RAB3GAP1: variants seen among roughly 807,000 people sequenced by gnomAD.
RAB3GAP1 encodes rab3 GTPase-activating protein catalytic subunit.
A neutral mutation model predicts 130.7 loss-of-function variants in RAB3GAP1; 86 were observed. The ratio of observed to expected loss-of-function variants is 0.66; its 90% CI spans 0.55 to 0.79. The LOEUF is 0.79. RAB3GAP1 is among the 30% of genes least tolerant of loss of function. The probability of loss-of-function intolerance (pLI) is 0.00; values close to 1 mark genes in which losing one functional copy is unlikely to be tolerated. For missense variants in RAB3GAP1, 1,029 were observed against 1,169.4 expected (o/e 0.88, Z 1.75); for synonymous variants, 367 against 401.7 (o/e 0.91, Z 1.03).
rs537930419 is a variant in RAB3GAP1, at chr2:135,168,918, G to GA, written c.*140dup. 361 of 770,280 alleles carry GA rather than the reference G, an allele frequency of 4.7e-4. 2 individuals are homozygous for GA. In the East Asian group the frequency reaches 9.4e-3, roughly 20 times the overall value. The allele number at this position is 770,280 out of a possible 1,614,324, so 47.7% of individuals were successfully genotyped here. A position where few individuals can be genotyped will look rare whatever the true frequency, so the allele number is the denominator to read the frequency against. ...GTGATCAGGAATCAAACCAGCATCG[G>GA]AAAGACTTCCCAGCACCAAGCTTGA... On this transcript the variant is annotated 3_prime_UTR_variant, in exon 24 of 24. Coordinates refer to ENST00000264158, the MANE Select transcript of RAB3GAP1 (RefSeq NM_012233.3).
At chr2:135,143,833 G>A (rs1361106992) in intron 17 of RAB3GAP1, among the ~76,000 whole-genome samples, 2 of 152,220 alleles carry the variant, frequency 1.3e-5, no homozygotes, top group East Asian at 1.9e-4. Flanking sequence ...ACAGGCGTGA[G>A]CCACTGTGTC....
At chr2:135,151,702 G>A (rs1207602191) in intron 18 of RAB3GAP1, among the ~76,000 whole-genome samples, 1 of 152,156 alleles carries the variant, frequency 6.6e-6, no homozygotes, top group East Asian at 1.9e-4. Context: ...GTTGGCTCTT[G>A]GGGCACATGT....
rs377374144 is a variant in RAB3GAP1, at chr2:135,064,155, C to T, written c.150+6069C>T. ...AAAAAATTTTATTTCAGCCATCTGA[C>T]TATGATGTGCACAGATACGTTTTCT... On this transcript the variant is annotated intron_variant, in intron 3 of 23. Transcript: ENST00000264158. 3.3e-5 allele frequency among the ~76,000 whole-genome samples: 5 copies of T among 152,198 alleles called. No individual in the cohort carries two copies. The East Asian group carries it at 9.6e-4, about 29-fold the overall frequency.
rs147388649 is a variant in RAB3GAP1 at position 135,122,049 on chromosome 2, C to T, written c.748+1131C>T. Among the ~76,000 whole-genome samples the T allele has an allele frequency of 9.7e-3, 1,467 of 151,794 alleles. 24 individuals are homozygous for T. Among genetic ancestry groups the T allele is most frequent in the African/African-American group, 0.034 (1,401 of 41,348 alleles). ...CGGAGGTTGCAGTGAGCTGACATTG[C>T]GCCACTGTACTCCAGCCTGGGTGAC... On this transcript the variant is annotated intron_variant, in intron 8 of 23. Coordinates refer to ENST00000264158, the MANE Select transcript of RAB3GAP1 (RefSeq NM_012233.3).
At position 135,126,212 on chromosome 2, in the gene RAB3GAP1, C is replaced by T. The variant is rs1314287990; in HGVS notation, c.862C>T (p.Leu288=). 1.2e-6 allele frequency: 2 copies of T among 1,613,180 alleles called. No individual in the cohort carries two copies. Among genetic ancestry groups the T allele is most frequent in the Non-Finnish European group, 1.7e-6 (2 of 1,179,358 alleles). ...CCATTTAGCTACTACATGGCCTCAT[C>T]TGACCGAAGGGATCATTGTGGATAA... ...ELHLATTWPH[L]TEGIIVDNDV... The change falls in exon 10 of 24, where the codon CTG becomes TTG. Residue 288 remains leucine (L), a synonymous_variant. Coordinates refer to ENST00000264158, the MANE Select transcript of RAB3GAP1 (RefSeq NM_012233.3).
intron 17 of RAB3GAP1, among the ~76,000 whole-genome samples, chr2:135,149,998 T>G (rs977987516): frequency 1.3e-5 from 2 of 152,178 alleles, no homozygotes; most frequent in African/African-American, 4.8e-5. Context: ...TTTCTATTAC[T>G]TATAATTAAA....
chr2:135,141,887 AT>A (rs1691852183), intron 17 of RAB3GAP1, among the ~76,000 whole-genome samples: 3 of 152,056 alleles, frequency 2.0e-5, no homozygotes, highest in Admixed American at 2.0e-4. Flanking sequence ...TTTCTGGACT[AT>A]TTATTCTGTT....
At chr2:135,089,252 A>C (rs11675348) in intron 3 of RAB3GAP1, among the ~76,000 whole-genome samples, 1 of 151,750 alleles carries the variant, frequency 6.6e-6, no homozygotes, top group Admixed American at 6.6e-5. Context: ...TGGTCTATAT[A>C]TCTGTTTTGG....
At chr2:135,101,331 G>C (rs1379128806) in intron 5 of RAB3GAP1, among the ~76,000 whole-genome samples, 1 of 152,054 alleles carries the variant, frequency 6.6e-6, no homozygotes, top group African/African-American at 2.4e-5. Context: ...ATTTAAATTT[G>C]AATTTTAAAA....
intron 19 of RAB3GAP1, among the ~76,000 whole-genome samples, chr2:135,154,465 A>C (rs528611353): frequency 2.4e-4 from 37 of 151,870 alleles, no homozygotes; most frequent in African/African-American, 9.0e-4. Flanking sequence ...AAATCCATGC[A>C]TTCAGCATTA....
Position 135,095,503 on chromosome 2 carries a change from TTGAAA to T in RAB3GAP1, c.362+1815_362+1819del, listed in dbSNP as rs775783008. Among the ~76,000 whole-genome samples the T allele has an allele frequency of 1.1e-3, 163 of 152,196 alleles. 2 individuals carry two copies. Among genetic ancestry groups the T allele is most frequent in the Non-Finnish European group, 1.5e-3 (102 of 68,040 alleles). ...AAATTTTAATACATATTATTGAATA[TTGAAA>T]TGAACTCAATATGTTGGATGTTGAT... is the stretch of plus-strand genomic sequence containing the variant. On this transcript the variant is annotated intron_variant, in intron 5 of 23. Transcript: ENST00000264158.
chr2:135,136,429 TTAA>T (rs1199965953), intron 17 of RAB3GAP1, among the ~76,000 whole-genome samples: 2 of 152,200 alleles, frequency 1.3e-5, no homozygotes, highest in African/African-American at 4.8e-5. Context: ...TGGTCTTGAT[TTAA>T]TCAAGGACCT....
In RAB3GAP1 at chr2:135,094,456, C is replaced by T. The variant is rs1690234302; in HGVS notation, c.362+763C>T. 3.9e-5 allele frequency among the ~76,000 whole-genome samples: 6 copies of T among 151,912 alleles called. No homozygotes were observed. In the South Asian group the frequency reaches 1.2e-3, roughly 32 times the overall value. On this transcript the variant is annotated intron_variant, in intron 5 of 23. Transcript: ENST00000264158. Reference sequence around the variant, plus strand: ...ACAAATTATTGTTAACTATAGGCACCCTATTTTGCTACTGAATGCTAGATC... The same window carrying T: ...ACAAATTATTGTTAACTATAGGCACTCTATTTTGCTACTGAATGCTAGATC...
chr2:135,106,232 T>C (rs375419879), intron 5 of RAB3GAP1, among the ~76,000 whole-genome samples: 27 of 152,100 alleles, frequency 1.8e-4, no homozygotes, highest in African/African-American at 5.3e-4. Context: ...CCCCTCTGCC[T>C]GGCCGCCACC....
At chr2:135,118,026 T>C (rs1691082026) in intron 7 of RAB3GAP1, among the ~76,000 whole-genome samples, 1 of 152,094 alleles carries the variant, frequency 6.6e-6, no homozygotes, top group Admixed American at 6.6e-5. Flanking sequence ...CTAATCTTTG[T>C]ATTTTTTGTA....
chr2:135,134,736 T>C (rs1691634479), intron 15 of RAB3GAP1, among the ~76,000 whole-genome samples: 1 of 152,178 alleles, frequency 6.6e-6, no homozygotes, highest in African/African-American at 2.4e-5. Context: ...CTGGAACATT[T>C]TACAGACCCA....
intron 17 of RAB3GAP1, among the ~76,000 whole-genome samples, chr2:135,144,440 A>G (rs1232896970): frequency 1.3e-5 from 2 of 152,198 alleles, no homozygotes; most frequent in African/African-American, 2.4e-5. Flanking sequence ...GCACCACTCA[A>G]AGGGGGGCAT....
intron 8 of RAB3GAP1, among the ~76,000 whole-genome samples, chr2:135,122,815 G>A (rs1194070894): frequency 1.3e-5 from 2 of 152,068 alleles, no homozygotes; most frequent in African/African-American, 4.8e-5. Flanking sequence ...TCTGCCTCCT[G>A]GGTTCAAGCG....
intron 22 of RAB3GAP1, among the ~76,000 whole-genome samples, chr2:135,163,826 ATAAT>A (rs1186701334): frequency 8.2e-4 from 125 of 152,388 alleles, no homozygotes; most frequent in African/African-American, 2.8e-3. Context: ...TTGATGCTAA[ATAAT>A]TAATATTGTA....
Sources: gnomAD v4.1 joint callset for allele counts (sites outside exome capture counted in the v4.1 genomes callset) on GRCh38, gnomAD v4.1.1 for gene constraint, MANE v1.5 for transcripts, NCBI Gene and HGNC (gene_info 2026-07-23, HGNC 2026-07-21) for gene names.